Variants in MUC5AC observed in about 807,000 individuals in gnomAD.
MUC5AC encodes the protein mucin 5AC, oligomeric mucus/gel-forming, also known as mucin-5AC.
A neutral mutation model predicts 169.7 loss-of-function variants in MUC5AC; 158 were observed. The observed-to-expected ratio is 0.93, with a 90% CI of 0.82 to 1.06. The LOEUF (loss-of-function observed/expected upper bound fraction) is 1.06. MUC5AC is among the 50% of genes least tolerant of loss of function. The pLI, the probability that MUC5AC is intolerant of heterozygous loss-of-function variation, is 0.00. For missense variants in MUC5AC, 4,359 were observed against 3,089.9 expected (o/e 1.41, Z -9.74); for synonymous variants, 1,975 against 1,237.0 (o/e 1.60, Z -12.52).
Position 1,188,993 on chromosome 11 carries a change from T to G in MUC5AC, c.10848T>G (p.Leu3616=), listed in dbSNP as rs1245095901. The part of the protein sequence containing the change: ...KMCLNYEVRV[L]CCETPKGCPV... ...GCCTCAACTACGAGGTGCGTGTGCT[T>G]TGCTGCGAGACCCCCAAAGGCTGCC... The change falls in exon 31 of 49, where the codon CTT becomes CTG. Residue 3616 remains leucine, a synonymous_variant. Transcript: ENST00000621226. 5.9e-6 allele frequency: 4 copies of G among 672,816 alleles called. No homozygotes were observed. The highest frequency in any genetic ancestry group is 4.9e-5 in the South Asian group (3 of 60,802). The allele number at this position is 672,816 out of a possible 1,614,324, so 41.7% of individuals were successfully genotyped here.
rs909027623 is a variant in MUC5AC at position 1,200,738 on chromosome 11, C to G, written c.*36C>G. 8.7e-6 allele frequency: 6 copies of G among 693,436 alleles called. No individual in the cohort carries two copies. The highest frequency in any genetic ancestry group is 2.5e-5 in the East Asian group (1 of 40,386). 43.0% of individuals were successfully genotyped at this position (693,436 alleles called of 1,614,324 possible). ...CGCCCTCCTGACCTCCAAGGAGAAC[C>G]TCCCATATGTCCTCTGAGCTCGGCT... On this transcript the variant is annotated 3_prime_UTR_variant, in exon 49 of 49. Transcript: ENST00000621226.
Position 1,181,478 on chromosome 11 carries a change from AG to A in MUC5AC, c.4009+21del, listed in dbSNP as rs1375482460. Reference sequence around the variant, plus strand: ...CCGCTTGGTAAGGCAAATGTGGCCGAGGAGCCCCAGGGTGAGCCCCCTCCCA... The same window carrying A: ...CCGCTTGGTAAGGCAAATGTGGCCGAGAGCCCCAGGGTGAGCCCCCTCCCA... On this transcript the variant is annotated intron_variant, in intron 30 of 48. Transcript: ENST00000621226. 3 of 270,614 alleles carry A rather than the reference AG, an allele frequency of 1.1e-5. No homozygotes were observed. Among genetic ancestry groups the A allele is most frequent in the Non-Finnish European group, 1.2e-5 (2 of 168,948 alleles). 16.8% of individuals were successfully genotyped at this position (270,614 alleles called of 1,614,324 possible).
intron 16 of MUC5AC, among the ~76,000 whole-genome samples, chr11:1,173,055 T>TCCTC (rs1860586307): frequency 7.0e-6 from 1 of 143,092 alleles, no homozygotes; most frequent in African/African-American, 2.6e-5. Flanking sequence ...TTCACTAACT[T>TCCTC]ACTCACTCAC....
At chr11:1,171,404 C>A (rs1348710673) in intron 15 of MUC5AC, among the ~76,000 whole-genome samples, 9 of 145,640 alleles carry the variant, frequency 6.2e-5, no homozygotes, top group Non-Finnish European at 1.2e-4. Flanking sequence ...CCCATTCATC[C>A]ACTCACTCAC....
chr11:1,172,162 C>CCTT (rs1860565964), intron 15 of MUC5AC, among the ~76,000 whole-genome samples: 2 of 152,196 alleles, frequency 1.3e-5, no homozygotes, highest in Admixed American at 1.3e-4. Flanking sequence ...CCCTGGAAGG[C>CCTT]GGCACTGTGA....
intron 2 of MUC5AC, among the ~76,000 whole-genome samples, 166 bp from the exon 3 acceptor site, chr11:1,161,361 G>A (rs572615400): frequency 3.5e-5 from 5 of 144,092 alleles, no homozygotes; most frequent in East Asian, 2.2e-4. Context: ...AGTACACAAC[G>A]TGCAGATGGT....
chr11:1,167,016 C>A (rs1325316049), intron 11 of MUC5AC, among the ~76,000 whole-genome samples: 1 of 6,944 alleles, frequency 1.4e-4, no homozygotes. Context: ...AGTCTCTGCA[C>A]GATGAGACCC....
chr11:1,199,056 G>T (rs757294081), intron 44 of MUC5AC, 31 bp from the exon 45 acceptor site: 1 of 763,362 alleles, frequency 1.3e-6, no homozygotes, highest in South Asian at 1.3e-5. Flanking sequence ...CGGTCGCCTG[G>T]ATTCCAGCCA....
chr11:1,161,780 G>T, intron 3 of MUC5AC, 127 bp from the exon 4 acceptor site: 2 of 1,406,574 alleles, frequency 1.4e-6, no homozygotes, highest in Non-Finnish European at 1.9e-6. Flanking sequence ...ACCCCTGGGT[G>T]CCCCGTCCAG....
chr11:1,160,743 C>CGT, intron 2 of MUC5AC, 54 bp downstream of exon 2: 1 of 1,535,028 alleles, frequency 6.5e-7, no homozygotes, highest in African/African-American at 1.4e-5. Context: ...CACCCTCCAC[C>CGT]GTGTGGCACG....
At chr11:1,158,304 C>T (rs1482801799) in intron 1 of MUC5AC, among the ~76,000 whole-genome samples, 3 of 152,220 alleles carry the variant, frequency 2.0e-5, no homozygotes, top group Admixed American at 6.5e-5. Flanking sequence ...TTCCCTGAGG[C>T]AGGGAAGTAG....
rs1223691732 is a variant in MUC5AC, at chr11:1,189,520, T to A, written c.11375T>A (p.Ile3792Asn). The A allele has an allele frequency of 4.2e-6, 2 of 474,292 alleles. No individual in the cohort carries two copies. The highest frequency in any genetic ancestry group is 7.2e-6 in the Non-Finnish European group (2 of 276,950). 29.4% of individuals were successfully genotyped at this position (474,292 alleles called of 1,614,324 possible). A position where few individuals can be genotyped will look rare whatever the true frequency, so the allele number is the denominator to read the frequency against. The change falls in exon 31 of 49, where the codon ATC becomes AAC. Residue 3792 changes from isoleucine to asparagine, a missense_variant. By Grantham distance (149) the Ile-to-Asn change is moderately radical (BLOSUM62 -3). Coordinates refer to ENST00000621226, the MANE Select transcript of MUC5AC (RefSeq NM_001304359.2). The stretch of plus-strand genomic sequence containing the variant: ...ACCTCTGCTCCCATAACCAGCACAA[T>A]CTCTGCCCCTACAACCAGCACAACC... The part of the protein sequence containing the change: ...STTSAPITST[I>N]SAPTTSTTST...
rs1861313685 is a variant in MUC5AC, at chr11:1,197,691, G to A, written c.16033+52G>A. Reference sequence around the variant, plus strand: ...TGGTGTGGCAGGCAGGTGACCCGGAGCCCACTCGGCCCGGACTTTGCTGCT... The same window carrying A: ...TGGTGTGGCAGGCAGGTGACCCGGAACCCACTCGGCCCGGACTTTGCTGCT... On this transcript the variant is annotated intron_variant, in intron 41 of 48. Coordinates refer to ENST00000621226, the MANE Select transcript of MUC5AC (RefSeq NM_001304359.2). The A allele has an allele frequency of 6.2e-6, 4 of 648,084 alleles. 1 individual carries two copies. In the South Asian group the frequency reaches 6.7e-5, roughly 11 times the overall value. The allele number at this position is 648,084 out of a possible 1,614,324, so 40.1% of individuals were successfully genotyped here.
In MUC5AC at chr11:1,188,122, G is replaced by A. The variant is rs1860997831; in HGVS notation, c.9977G>A (p.Cys3326Tyr). The change falls in exon 31 of 49, where the codon TGC becomes TAC. Residue 3326 changes from cysteine to tyrosine, a missense_variant. Transcript: ENST00000621226. ...RVLCCETPKG[C>Y]PVTSTPVTAP... The stretch of plus-strand genomic sequence containing the variant: ...CTCTGCTGCGAGACCCCTAAAGGTT[G>A]CCCCGTGACCTCCACACCTGTGACA... 4.1e-6 allele frequency: 3 copies of A among 731,066 alleles called. No individual in the cohort carries two copies. In the African/African-American group the frequency reaches 5.1e-5, roughly 13 times the overall value. The allele number at this position is 731,066 out of a possible 1,614,324, so 45.3% of individuals were successfully genotyped here.
At chr11:1,198,090 G>A (rs1861330770) in intron 42 of MUC5AC, 86 bp downstream of exon 42, 1 of 643,168 alleles carries the variant, frequency 1.6e-6, no homozygotes. Context: ...AGATGCCAGT[G>A]CGGCTTGTCC....
Position 1,186,787 on chromosome 11 carries a change from G to C in MUC5AC, c.8642G>C (p.Gly2881Ala), listed in dbSNP as rs1860958350. The change falls in exon 31 of 49, where the codon GGA becomes GCA. Residue 2881 changes from glycine to alanine, a missense_variant. Coordinates refer to ENST00000621226, the MANE Select transcript of MUC5AC (RefSeq NM_001304359.2). The part of the protein sequence containing the change: ...TATTSTTSGP[G>A]TTPSPVPTTS... ...ACAACCAGCACAACCTCTGGCCCTG[G>C]AACTACTCCCAGCCCTGTTCCCACC... The C allele has an allele frequency of 1.4e-6, 1 of 724,664 alleles. No homozygotes were observed. The highest frequency in any genetic ancestry group is 2.5e-6 in the Non-Finnish European group (1 of 401,614). The allele number at this position is 724,664 out of a possible 1,614,324, so 44.9% of individuals were successfully genotyped here.
intron 25 of MUC5AC, 46 bp downstream of exon 25, chr11:1,178,729 T>C (rs1860744278): frequency 9.5e-7 from 1 of 1,050,858 alleles, no homozygotes. Context: ...GGGGTCATGG[T>C]GACCCAAGGA....
intron 37 of MUC5AC, 131 bp from the exon 38 acceptor site, chr11:1,196,257 G>A: frequency 3.0e-6 from 2 of 670,548 alleles, no homozygotes; most frequent in Non-Finnish European, 5.4e-6. Flanking sequence ...TGGGGTGTGG[G>A]AGGCCGTAGC....
At chr11:1,175,410 T>C (rs1336287759) in intron 19 of MUC5AC, 140 bp downstream of exon 19, 1 of 394,154 alleles carries the variant, frequency 2.5e-6, no homozygotes, top group African/African-American at 2.1e-5. Flanking sequence ...TCAGGCATGG[T>C]TTGTGCCCTC....
Sources: allele counts gnomAD v4.1 joint callset (sites outside exome capture counted in the v4.1 genomes callset), GRCh38; gene constraint gnomAD v4.1.1; transcripts MANE v1.5; gene names NCBI Gene and HGNC (gene_info 2026-07-23, HGNC 2026-07-21).